Variants in FOXP1 observed in about 807,000 individuals in gnomAD.
FOXP1 encodes the protein forkhead box protein P1.
Under a neutral mutation model 98.2 loss-of-function variants are expected in FOXP1, and 15 were observed. The observed-to-expected ratio is 0.15, with a 90% CI of 0.10 to 0.24. The LOEUF (loss-of-function observed/expected upper bound fraction) is 0.24. Ranked by LOEUF, FOXP1 falls within the 10% of genes least tolerant of loss-of-function variation. The probability of loss-of-function intolerance (pLI) is 1.00; values close to 1 mark genes in which losing one functional copy is unlikely to be tolerated. For synonymous variants in FOXP1, 371 were observed against 314.5 expected, an observed-to-expected ratio of 1.18 and a Z score of -1.90; for missense variants, 633 against 848.5, an observed-to-expected ratio of 0.75 and a Z score of 3.15.
chr3:71,057,456 T>A (rs577676281), intron 7 of FOXP1, among the ~76,000 whole-genome samples: 1 of 150,076 alleles, frequency 6.7e-6, no homozygotes, highest in African/African-American at 2.4e-5. Context: ...CAAAAGACGA[T>A]TTAAATATAA....
At chr3:71,571,218 T>C (rs1471518662) in intron 2 of FOXP1, 1 of 152,204 alleles carries the variant, frequency 6.6e-6, no homozygotes, top group Non-Finnish European at 1.5e-5. Flanking sequence ...CAGGAAAAGA[T>C]TCTAAGTTAC....
At chr3:71,087,754 C>T (rs901385664) in intron 7 of FOXP1, among the ~76,000 whole-genome samples, 1 of 152,022 alleles carries the variant, frequency 6.6e-6, no homozygotes, top group Non-Finnish European at 1.5e-5. Flanking sequence ...TGAGAAGGTA[C>T]TATATTTAGC....
chr3:71,444,962 T>C (rs1347100821), intron 3 of FOXP1, among the ~76,000 whole-genome samples: 1 of 152,182 alleles, frequency 6.6e-6, no homozygotes, highest in East Asian at 1.9e-4. Flanking sequence ...AAAACGAATG[T>C]GAAGGATATC....
chr3:71,471,381 G>T (rs987215514), intron 3 of FOXP1, among the ~76,000 whole-genome samples: 1 of 151,964 alleles, frequency 6.6e-6, no homozygotes, highest in Non-Finnish European at 1.5e-5. Flanking sequence ...AGAACAGGGC[G>T]AAATAACTGA....
chr3:71,214,790 T>C (rs925002909), intron 5 of FOXP1, among the ~76,000 whole-genome samples: 4 of 152,008 alleles, frequency 2.6e-5, no homozygotes, highest in African/African-American at 7.2e-5. Context: ...GCACAACCAA[T>C]TGATGAGAAG....
chr3:71,240,404 T>C (rs1457038559), intron 5 of FOXP1, among the ~76,000 whole-genome samples: 1 of 152,224 alleles, frequency 6.6e-6, no homozygotes, highest in Non-Finnish European at 1.5e-5. Context: ...GGCCTACAAA[T>C]GGAAGAGCAT....
intron 3 of FOXP1, among the ~76,000 whole-genome samples, chr3:71,411,427 G>A (rs1387025236): frequency 1.3e-5 from 2 of 152,014 alleles, no homozygotes; most frequent in East Asian, 1.9e-4. Flanking sequence ...CTATTCTCCT[G>A]CCTCAACCTT....
chr3:71,339,991 G>T (rs1300170), intron 4 of FOXP1, among the ~76,000 whole-genome samples: 14,118 of 152,110 alleles, frequency 0.093, 719 homozygotes, highest in South Asian at 0.15. Flanking sequence ...AACACCAAAA[G>T]ATGTTTAACA....
intron 13 of FOXP1, among the ~76,000 whole-genome samples, chr3:71,000,494 C>T (rs1446481549): frequency 2.0e-5 from 3 of 151,950 alleles, no homozygotes; most frequent in Non-Finnish European, 2.9e-5. Context: ...ACTGCCTTGC[C>T]GTCTTGGTCT....
At chr3:70,997,580 T>A (rs895146339) in intron 13 of FOXP1, among the ~76,000 whole-genome samples, 3 of 152,230 alleles carry the variant, frequency 2.0e-5, no homozygotes, top group Non-Finnish European at 4.4e-5. Flanking sequence ...GATTGAGTGA[T>A]AACTAATGGA....
intron 17 of FOXP1, among the ~76,000 whole-genome samples, chr3:70,974,800 A>G (rs1283187742): frequency 6.6e-6 from 1 of 152,216 alleles, no homozygotes; most frequent in East Asian, 1.9e-4. Context: ...TAAAATAAGT[A>G]TCAAAATGTA....
At chr3:71,119,067 A>C (rs1001880521) in intron 6 of FOXP1, among the ~76,000 whole-genome samples, 1 of 152,192 alleles carries the variant, frequency 6.6e-6, no homozygotes, top group African/African-American at 2.4e-5. Context: ...AGTTCCCCAA[A>C]ATAATTTTAG....
intron 14 of FOXP1, among the ~76,000 whole-genome samples, chr3:70,987,367 A>G (rs1575899858): frequency 6.6e-6 from 1 of 152,238 alleles, no homozygotes; most frequent in East Asian, 1.9e-4. Flanking sequence ...AAAAGGGAAT[A>G]AGGCAAGAAA....
intron 5 of FOXP1, among the ~76,000 whole-genome samples, chr3:71,237,613 G>A (rs1295327587): frequency 2.6e-5 from 4 of 152,182 alleles, no homozygotes; most frequent in Non-Finnish European, 4.4e-5. Context: ...GCCAAGGAAC[G>A]GTGCTAGGAA....
At chr3:70,990,036 A>G (rs971518091) in intron 13 of FOXP1, among the ~76,000 whole-genome samples, 4 of 152,206 alleles carry the variant, frequency 2.6e-5, no homozygotes, top group Non-Finnish European at 2.9e-5. Flanking sequence ...CTGCCATCGG[A>G]AACATTTTCA....
At chr3:71,530,058 T>A (rs902469165) in intron 2 of FOXP1, among the ~76,000 whole-genome samples, 1 of 152,096 alleles carries the variant, frequency 6.6e-6, no homozygotes, top group Non-Finnish European at 1.5e-5. Flanking sequence ...CATCTCCAGG[T>A]AGATGGTGTC....
At chr3:71,149,219 T>C (rs1161464366) in intron 6 of FOXP1, among the ~76,000 whole-genome samples, 1 of 152,212 alleles carries the variant, frequency 6.6e-6, no homozygotes, top group Non-Finnish European at 1.5e-5. Context: ...GTTGCCTGTC[T>C]GCGTGGGCTA....
intron 4 of FOXP1, among the ~76,000 whole-genome samples, chr3:71,353,930 T>C (rs1324323826): frequency 1.3e-5 from 2 of 152,186 alleles, no homozygotes; most frequent in Non-Finnish European, 2.9e-5. Flanking sequence ...CCTTTCAGAC[T>C]ATACAGACTT....
Position 71,054,941 on chromosome 3 carries a change from T to C in FOXP1, c.283-1168A>G, listed in dbSNP as rs568280077. Among the ~76,000 whole-genome samples the C allele has an allele frequency of 3.3e-5, 5 of 151,970 alleles. No individual in the cohort carries two copies. In the East Asian group the frequency reaches 9.7e-4, roughly 29 times the overall value. On this transcript the variant is annotated intron_variant, in intron 7 of 20. Transcript: ENST00000649528. ...TCTCATGTATTACAATAAAAGGTAA[T>C]AACATGTTTTGCACTTTGCCTGTGT...
Sources: gnomAD v4.1 joint callset for allele counts (sites outside exome capture counted in the v4.1 genomes callset) on GRCh38, gnomAD v4.1.1 for gene constraint, MANE v1.5 for transcripts, NCBI Gene and HGNC (gene_info 2026-07-23, HGNC 2026-07-21) for gene names.